RAPGEF2: variants seen among roughly 807,000 people sequenced by gnomAD.
The protein encoded by RAPGEF2 is Rap guanine nucleotide exchange factor 2.
A neutral mutation model predicts 186.7 loss-of-function variants in RAPGEF2; 54 were observed. That is an observed-to-expected ratio of 0.29 (90% confidence interval 0.23 to 0.36). The LOEUF (loss-of-function observed/expected upper bound fraction) is 0.36, where lower values mean the gene tolerates loss of function less well. Ranked by LOEUF, RAPGEF2 falls within the 10% of genes least tolerant of loss-of-function variation. The pLI, the probability that RAPGEF2 is intolerant of heterozygous loss-of-function variation, is 1.00. For synonymous variants in RAPGEF2, 712 were observed against 705.9 expected, an observed-to-expected ratio of 1.01 and a Z score of -0.14; for missense variants, 1,532 against 2,045.0, an observed-to-expected ratio of 0.75 and a Z score of 4.84.
At chr4:159,195,877 T>TG (rs1382947191) in intron 3 of RAPGEF2, among the ~76,000 whole-genome samples, 1 of 40,896 alleles carries the variant, frequency 2.4e-5, no homozygotes, top group Admixed American at 2.1e-4. Context: ...ACATACCTGT[T>TG]TTTTTTTTTT....
intron 1 of RAPGEF2, among the ~76,000 whole-genome samples, chr4:159,151,186 T>TG (rs1348972801): frequency 3.3e-5 from 5 of 152,182 alleles, no homozygotes; most frequent in African/African-American, 9.7e-5. Flanking sequence ...TCAGTGTAGA[T>TG]GCAGGTTCAA....
intron 4 of RAPGEF2, among the ~76,000 whole-genome samples, chr4:159,233,647 A>G (rs547802718): frequency 6.6e-6 from 1 of 152,162 alleles, no homozygotes; most frequent in Non-Finnish European, 1.5e-5. Flanking sequence ...GGTGAGGGAT[A>G]AAAGACTACA....
At chr4:159,255,536 T>A (rs1192343932) in intron 7 of RAPGEF2, among the ~76,000 whole-genome samples, 1 of 152,118 alleles carries the variant, frequency 6.6e-6, no homozygotes, top group African/African-American at 2.4e-5. Flanking sequence ...GCAAAATAAT[T>A]GTCTGAGGGG....
intron 7 of RAPGEF2, among the ~76,000 whole-genome samples, chr4:159,251,396 G>T (rs897484917): frequency 2.0e-5 from 3 of 152,264 alleles, no homozygotes; most frequent in Non-Finnish European, 4.4e-5. Flanking sequence ...CCTGAGTAGA[G>T]TGGGGACTTG....
intron 7 of RAPGEF2, among the ~76,000 whole-genome samples, chr4:159,245,707 G>A (rs1754552102): frequency 6.6e-6 from 1 of 152,022 alleles, no homozygotes; most frequent in Non-Finnish European, 1.5e-5. Flanking sequence ...TTATTGGAGT[G>A]ACGTGGGAAG....
chr4:159,129,507 G>A (rs1740768779), intron 1 of RAPGEF2, among the ~76,000 whole-genome samples: 2 of 152,098 alleles, frequency 1.3e-5, no homozygotes, highest in South Asian at 4.1e-4. Flanking sequence ...GTTTTCTTAT[G>A]GTTTATTCAG....
chr4:159,310,482 TA>T (rs1336169996), intron 8 of RAPGEF2, among the ~76,000 whole-genome samples: 1 of 152,142 alleles, frequency 6.6e-6, no homozygotes, highest in East Asian at 1.9e-4. Flanking sequence ...CTTTATGGCA[TA>T]AAAATTTTTT....
At chr4:159,121,228 C>A (rs1378893799) in intron 1 of RAPGEF2, among the ~76,000 whole-genome samples, 1 of 152,106 alleles carries the variant, frequency 6.6e-6, no homozygotes, top group African/African-American at 2.4e-5. Flanking sequence ...ATCTTGATTT[C>A]CTGAGAGTTT....
At position 159,332,581 on chromosome 4, in the gene RAPGEF2, G is replaced by A. The variant is rs200203156; in HGVS notation, c.2019G>A (p.Val673=). 6.2e-7 allele frequency: 1 copy of A among 1,614,152 alleles called. No homozygotes were observed. Among genetic ancestry groups the A allele is most frequent in the Non-Finnish European group, 8.5e-7 (1 of 1,180,010 alleles). Residue 673 remains valine (V), a synonymous_variant, in exon 17 of 30, where the codon GTG becomes GTA. Coordinates refer to ENST00000691494, the MANE Select transcript of RAPGEF2 (RefSeq NM_001394067.2). ...ATCTTGCTGTAGATGTAGAACAGGT[G>A]ATAGGACTTGAAAAAGTGAACAAAA... ...IPDLAVDVEQ[V]IGLEKVNKKS...
At chr4:159,254,358 C>G (rs1407685869) in intron 7 of RAPGEF2, among the ~76,000 whole-genome samples, 1 of 152,184 alleles carries the variant, frequency 6.6e-6, no homozygotes, top group African/African-American at 2.4e-5. Flanking sequence ...ATAATGAAAA[C>G]ATAGTTTGAC....
intron 1 of RAPGEF2, among the ~76,000 whole-genome samples, chr4:159,108,390 T>C (rs1429322831): frequency 2.7e-5 from 4 of 150,548 alleles, no homozygotes; most frequent in Non-Finnish European, 3.0e-5. Context: ...TTTCTTTTTT[T>C]TTTTTTTTTT....
chr4:159,245,046 C>T (rs58821470), intron 7 of RAPGEF2, among the ~76,000 whole-genome samples: 2 of 151,808 alleles, frequency 1.3e-5, no homozygotes, highest in African/African-American at 2.4e-5. Context: ...AATTGATCTT[C>T]GTCTTTTTTT....
chr4:159,155,783 A>T (rs541447187), intron 1 of RAPGEF2, among the ~76,000 whole-genome samples: 30 of 149,462 alleles, frequency 2.0e-4, no homozygotes, highest in Admixed American at 4.0e-4. Context: ...TTTTTTTTTT[A>T]AACATTTATT....
At chr4:159,189,805 G>A (rs778338046) in intron 2 of RAPGEF2, among the ~76,000 whole-genome samples, 3 of 152,140 alleles carry the variant, frequency 2.0e-5, no homozygotes, top group Non-Finnish European at 2.9e-5. Flanking sequence ...CTTTCTGATA[G>A]CACTGTTTAA....
chr4:159,326,116 G>A (rs1765892538), intron 11 of RAPGEF2, among the ~76,000 whole-genome samples: 1 of 152,168 alleles, frequency 6.6e-6, no homozygotes, highest in Admixed American at 6.6e-5. Flanking sequence ...CTTAGGCCTA[G>A]CATTTTATCC....
At chr4:159,302,407 A>T (rs550881309) in intron 7 of RAPGEF2, among the ~76,000 whole-genome samples, 1 of 152,330 alleles carries the variant, frequency 6.6e-6, no homozygotes, top group South Asian at 2.1e-4. Context: ...ATCAATAGAA[A>T]TCAGTTTATT....
intron 1 of RAPGEF2, among the ~76,000 whole-genome samples, chr4:159,131,541 T>TTTTTTTTTTTTTTTTTTTTTTTTTG (rs1741104185): frequency 6.7e-6 from 1 of 149,430 alleles, no homozygotes; most frequent in Non-Finnish European, 1.5e-5. Context: ...TTTTTTTTTT[T>TTTTTTTTTTTTTTTTTTTTTTTTTG]TTTTTAGCTT....
chr4:159,131,311 T>G (rs1650338402), intron 1 of RAPGEF2, among the ~76,000 whole-genome samples: 1 of 151,998 alleles, frequency 6.6e-6, no homozygotes, highest in Non-Finnish European at 1.5e-5. Flanking sequence ...GGTTTCTCCA[T>G]GTTGGTCAGG....
chr4:159,249,419 T>TA (rs1262254263), intron 7 of RAPGEF2, among the ~76,000 whole-genome samples: 1 of 151,846 alleles, frequency 6.6e-6, no homozygotes, highest in Non-Finnish European at 1.5e-5. Context: ...TGATTGGAAA[T>TA]ACTCTCTTTT....
Sources: gnomAD v4.1 joint callset for allele counts (sites outside exome capture counted in the v4.1 genomes callset) on GRCh38, gnomAD v4.1.1 for gene constraint, MANE v1.5 for transcripts, NCBI Gene and HGNC (gene_info 2026-07-23, HGNC 2026-07-21) for gene names.